The following PEMT variants were observed in gnomAD, a reference collection of about 807,000 sequenced individuals.
PEMT encodes the protein phosphatidylethanolamine N-methyltransferase.
PEMT carries 23 observed loss-of-function variants against 27.4 expected under a neutral mutation model. The ratio of observed to expected loss-of-function variants is 0.84; its 90% CI spans 0.60 to 1.19. PEMT has a LOEUF of 1.19. Ranked by LOEUF, PEMT falls within the 50% of genes most tolerant of loss-of-function variation. The pLI is 0.00. For synonymous variants in PEMT, 137 were observed against 139.1 expected (o/e 0.98, Z 0.11); for missense variants, 307 against 310.1 (o/e 0.99, Z 0.07).
intron 1 of PEMT, among the ~76,000 whole-genome samples, chr17:17,587,369 C>A (rs1366377165): frequency 6.6e-6 from 1 of 152,166 alleles, no homozygotes; most frequent in Admixed American, 6.5e-5. Flanking sequence ...TGTCAAAATT[C>A]ATTCAAGAAA....
At position 17,513,933 on chromosome 17, in the gene PEMT, C is replaced by A. The variant is rs996977362; in HGVS notation, c.321-1279G>T. On this transcript the variant is annotated intron_variant, in intron 3 of 6. Transcript: ENST00000255389. The surrounding 1 kb of genome is among the most constrained non-coding windows in gnomAD (Gnocchi z 4.1). Reference sequence around the variant, plus strand: ...CTCACGCAGGGCAGCGCCTTTCACACCCAGTCTGTAGACGGCATCTCCCAG... The same window carrying A: ...CTCACGCAGGGCAGCGCCTTTCACAACCAGTCTGTAGACGGCATCTCCCAG... Among the ~76,000 whole-genome samples, 15 of 152,156 alleles carry A rather than the reference C, an allele frequency of 9.9e-5. No homozygotes were observed. Among genetic ancestry groups the A allele is most frequent in the Non-Finnish European group, 1.5e-4 (10 of 68,020 alleles).
upstream of PEMT, chr17:17,591,994 G>T (rs1328967751): frequency 1.0e-6 from 1 of 985,270 alleles, no homozygotes; most frequent in Non-Finnish European, 1.2e-6. Flanking sequence ...GCCTGGCGGC[G>T]GTGGGGCTAG....
At chr17:17,539,393 C>T (rs1908719044) in intron 2 of PEMT, among the ~76,000 whole-genome samples, 1 of 152,204 alleles carries the variant, frequency 6.6e-6, no homozygotes, top group Non-Finnish European at 1.5e-5. Flanking sequence ...ACCCCAGACA[C>T]TCCTGTCCTG....
chr17:17,522,198 TG>T, intron 3 of PEMT, 81 bp downstream of exon 3: 1 of 980,128 alleles, frequency 1.0e-6, no homozygotes, highest in South Asian at 1.4e-5. Flanking sequence ...GGCTCCCGCG[TG>T]GTGAGGGATG....
In PEMT at chr17:17,561,239, G is replaced by A. The variant is rs770594406; in HGVS notation, c.204+15681C>T. ...CTGCCTGGCTCCCTGTGCTGCACACGGAGTGTGTCACATCCTCACACGACC... is the reference window on the plus strand; with the variant it reads ...CTGCCTGGCTCCCTGTGCTGCACACAGAGTGTGTCACATCCTCACACGACC... On this transcript the variant is annotated intron_variant, in intron 2 of 6. Transcript: ENST00000255389. This position sits in a 1 kb window ranked among gnomAD's most constrained non-coding sequence, Gnocchi z 4.5. 6.6e-6 allele frequency among the ~76,000 whole-genome samples: 1 copy of A among 152,128 alleles called. No homozygotes were observed. The highest frequency in any genetic ancestry group is 1.5e-5 in the Non-Finnish European group (1 of 68,020).
chr17:17,522,549 G>A lies in PEMT; in HGVS notation c.205-154C>T, dbSNP rs118071737. 7.5e-4 allele frequency among the ~76,000 whole-genome samples: 114 copies of A among 152,320 alleles called. 1 individual carries two copies. The highest frequency in any genetic ancestry group is 2.1e-3 in the South Asian group (10 of 4,828). ...GGGAGCAACAACCACATGCACCCCA[G>A]CTGCACATTATCTGCCCTAGAGCAA... On this transcript the variant is annotated intron_variant, in intron 2 of 6. Coordinates refer to ENST00000255389, the MANE Select transcript of PEMT (RefSeq NM_148172.3).
intron 2 of PEMT, among the ~76,000 whole-genome samples, chr17:17,557,960 G>A (rs955338723): frequency 3.3e-5 from 5 of 152,218 alleles, no homozygotes; most frequent in African/African-American, 1.2e-4. Context: ...GGCTGGCTGG[G>A]CTAAACACCA....
At chr17:17,572,316 C>A (rs1293190462) in intron 2 of PEMT, among the ~76,000 whole-genome samples, 3 of 152,214 alleles carry the variant, frequency 2.0e-5, no homozygotes, top group Non-Finnish European at 4.4e-5. Flanking sequence ...GCCACCTCTG[C>A]AATGGCTCCC....
intron 2 of PEMT, among the ~76,000 whole-genome samples, chr17:17,533,754 A>G (rs1304373409): frequency 1.3e-5 from 2 of 150,428 alleles, no homozygotes; most frequent in East Asian, 3.9e-4. Context: ...TTTTTGAGAC[A>G]GAGTCTTGCT....
At chr17:17,572,392 C>G (rs1567740645) in intron 2 of PEMT, among the ~76,000 whole-genome samples, 1 of 152,242 alleles carries the variant, frequency 6.6e-6, no homozygotes, top group Non-Finnish European at 1.5e-5. Flanking sequence ...CCCCAGCCAC[C>G]TCTCCGTCCT....
chr17:17,581,211 A>G (rs1567753443), intron 1 of PEMT, among the ~76,000 whole-genome samples: 3 of 152,158 alleles, frequency 2.0e-5, no homozygotes, highest in African/African-American at 4.8e-5. Context: ...GCTGCCTCTC[A>G]TAAGGAATTC....
At chr17:17,580,318 A>T (rs1013539638) in intron 1 of PEMT, among the ~76,000 whole-genome samples, 1 of 152,012 alleles carries the variant, frequency 6.6e-6, no homozygotes. Flanking sequence ...CTCCACTAAA[A>T]ATACAAAAAT....
chr17:17,546,426 A>G (rs915739015), intron 2 of PEMT, among the ~76,000 whole-genome samples: 1 of 152,066 alleles, frequency 6.6e-6, no homozygotes, highest in Admixed American at 6.5e-5. Context: ...TCTCCACCAC[A>G]TTTTCAGAAG....
At chr17:17,525,537 G>A (rs55964214) in intron 2 of PEMT, among the ~76,000 whole-genome samples, 13,916 of 152,190 alleles carry the variant, frequency 0.091, 1,007 homozygotes, top group African/African-American at 0.2. Flanking sequence ...AGTAGGCAGC[G>A]GCGTGGCCCA....
intron 1 of PEMT, among the ~76,000 whole-genome samples, chr17:17,580,908 C>T (rs1911936010): frequency 6.6e-6 from 1 of 152,218 alleles, no homozygotes; most frequent in Non-Finnish European, 1.5e-5. Context: ...CCCCCAGAGC[C>T]CTCCCCATGG....
At chr17:17,531,620 G>GAAAAAAAAAAAA (rs1567689662) in intron 2 of PEMT, among the ~76,000 whole-genome samples, 2 of 20,472 alleles carry the variant, frequency 9.8e-5, no homozygotes, top group Non-Finnish European at 8.3e-5. Flanking sequence ...GCTATCATAT[G>GAAAAAAAAAAAA]CAAAAAAAAA....
At chr17:17,516,627 T>G (rs919119688) in intron 3 of PEMT, among the ~76,000 whole-genome samples, 5 of 152,168 alleles carry the variant, frequency 3.3e-5, no homozygotes, top group African/African-American at 1.2e-4. Context: ...CCCACTCTCC[T>G]TCCAGACTTC....
intron 3 of PEMT, among the ~76,000 whole-genome samples, chr17:17,519,607 C>T (rs1476814360): frequency 6.6e-6 from 1 of 152,220 alleles, no homozygotes; most frequent in East Asian, 1.9e-4. Context: ...CAGCACTCGG[C>T]TGGGGCCTGG....
At position 17,561,974 on chromosome 17, in the gene PEMT, G is replaced by A. The variant is rs1272215179; in HGVS notation, c.204+14946C>T. Among the ~76,000 whole-genome samples the A allele has an allele frequency of 6.6e-6, 1 of 152,258 alleles. No homozygotes were observed. Among genetic ancestry groups the A allele is most frequent in the Non-Finnish European group, 1.5e-5 (1 of 68,044 alleles). On this transcript the variant is annotated intron_variant, in intron 2 of 6. Coordinates refer to ENST00000255389, the MANE Select transcript of PEMT (RefSeq NM_148172.3). The surrounding 1 kb of genome is among the most constrained non-coding windows in gnomAD (Gnocchi z 4.5). ...GAGGGCACCCCAGGCTCCGGTGGGA[G>A]GGGCCTCAGGACCGGATCTGGGCCG...
Sources: allele counts gnomAD v4.1 joint callset (sites outside exome capture counted in the v4.1 genomes callset), GRCh38; gene constraint gnomAD v4.1.1; non-coding constraint Gnocchi (gnomAD v3.1); transcripts MANE v1.5; gene names NCBI Gene and HGNC (gene_info 2026-07-23, HGNC 2026-07-21).